The following ELAPOR1 variants were observed in gnomAD, a reference collection of about 807,000 sequenced individuals.
The protein encoded by ELAPOR1 is endosome/lysosome-associated apoptosis and autophagy regulator 1.
A neutral mutation model predicts 119.7 loss-of-function variants in ELAPOR1; 77 were observed. The ratio of observed to expected loss-of-function variants is 0.64; its 90% CI spans 0.54 to 0.78. ELAPOR1 has a LOEUF of 0.78. Ranked by LOEUF, ELAPOR1 falls within the 30% of genes least tolerant of loss-of-function variation. The pLI is 0.00. For synonymous variants in ELAPOR1, 481 were observed against 487.2 expected (o/e 0.99, Z 0.17); for missense variants, 1,115 against 1,270.4 (o/e 0.88, Z 1.86).
chr1:109,155,188 T>TA (rs1650800724), intron 1 of ELAPOR1, among the ~76,000 whole-genome samples: 2 of 151,872 alleles, frequency 1.3e-5, no homozygotes, highest in African/African-American at 4.9e-5. Flanking sequence ...TATATATATA[T>TA]TTTTTTGAGA....
intron 1 of ELAPOR1, among the ~76,000 whole-genome samples, chr1:109,120,288 T>C (rs1444330159): frequency 6.6e-6 from 1 of 151,948 alleles, no homozygotes; most frequent in African/African-American, 2.4e-5. Flanking sequence ...TTCCAGCTAC[T>C]TGGGAGGCTG....
At chr1:109,193,367 A>G (rs1159365693) in intron 14 of ELAPOR1, among the ~76,000 whole-genome samples, 1 of 152,122 alleles carries the variant, frequency 6.6e-6, no homozygotes, top group African/African-American at 2.4e-5. Context: ...CTAAGTGGAA[A>G]AAAGCTGGGT....
In ELAPOR1 at chr1:109,203,153, C is replaced by A; in HGVS notation, c.*141C>A. 1.6e-6 allele frequency: 1 copy of A among 617,968 alleles called. No homozygotes were observed. Among genetic ancestry groups the A allele is most frequent in the Non-Finnish European group, 2.9e-6 (1 of 348,952 alleles). 38.3% of individuals were successfully genotyped at this position (617,968 alleles called of 1,614,324 possible). A position where few individuals can be genotyped will look rare whatever the true frequency, so the allele number is the denominator to read the frequency against. On this transcript the variant is annotated 3_prime_UTR_variant, in exon 22 of 22. Coordinates refer to ENST00000369939, the MANE Select transcript of ELAPOR1 (RefSeq NM_020775.5). ...CTTATCAGATGTTTGAATTTCAGATCTTTTTTTATAGAGTACCCAAACCCT... is the reference window on the plus strand; with the variant it reads ...CTTATCAGATGTTTGAATTTCAGATATTTTTTTATAGAGTACCCAAACCCT...
chr1:109,149,566 G>A (rs1650398534), intron 1 of ELAPOR1, among the ~76,000 whole-genome samples: 3 of 152,124 alleles, frequency 2.0e-5, no homozygotes. Context: ...AGCTGTTCTA[G>A]GGCCACACCC....
At chr1:109,173,955 C>G (rs1212416066) in intron 7 of ELAPOR1, 118 bp downstream of exon 7, 10 of 1,091,664 alleles carry the variant, frequency 9.2e-6, no homozygotes, top group Non-Finnish European at 1.3e-5. Flanking sequence ...ATTCTTAAAC[C>G]CTTCCTTTCT....
chr1:109,144,918 T>G (rs1333812883), intron 1 of ELAPOR1, among the ~76,000 whole-genome samples: 2 of 152,158 alleles, frequency 1.3e-5, no homozygotes, highest in East Asian at 3.8e-4. Flanking sequence ...TCAAACAACT[T>G]CTATAAACAA....
chr1:109,164,772 GC>G (rs1390418701), intron 3 of ELAPOR1, 81 bp downstream of exon 3: 1 of 1,349,444 alleles, frequency 7.4e-7, no homozygotes, highest in East Asian at 2.4e-5. Flanking sequence ...CTCCTCCGCT[GC>G]CCCTCAGGCT....
intron 7 of ELAPOR1, among the ~76,000 whole-genome samples, chr1:109,177,518 T>C (rs1652420305): frequency 7.3e-6 from 1 of 136,548 alleles, no homozygotes; most frequent in East Asian, 2.2e-4. Flanking sequence ...GAAGAGGCGC[T>C]CCTCACTTCC....
At chr1:109,151,179 A>G (rs1019192184) in intron 1 of ELAPOR1, among the ~76,000 whole-genome samples, 21 of 152,204 alleles carry the variant, frequency 1.4e-4, no homozygotes, top group African/African-American at 4.3e-4. Context: ...AAGAAGAGCT[A>G]GAGAATCAGG....
chr1:109,173,531 T>G lies in ELAPOR1; in HGVS notation c.754T>G (p.Trp252Gly). The change falls in exon 6 of 22, where the codon TGG (tryptophan) becomes GGG (glycine). Residue 252 changes from tryptophan (W) to glycine (G), a missense_variant. Transcript: ENST00000369939. ...LYWRTTAFSV[W>G]TKVPKPVLVR... The stretch of plus-strand genomic sequence containing the variant: ...TTGGAGAACCACAGCCTTCTCAGTA[T>G]GGACCAAAGTACCCAAGCCTGTGCT... The G allele has an allele frequency of 1.2e-6, 2 of 1,614,228 alleles. No individual in the cohort carries two copies. Among genetic ancestry groups the G allele is most frequent in the Non-Finnish European group, 1.7e-6 (2 of 1,180,040 alleles).
At position 109,173,681 on chromosome 1, in the gene ELAPOR1, T is replaced by C; in HGVS notation, c.803-7T>C. 1 of 1,613,678 alleles carries C rather than the reference T, an allele frequency of 6.2e-7. No individual in the cohort carries two copies. The highest frequency in any genetic ancestry group is 8.5e-7 in the Non-Finnish European group (1 of 1,179,804). On this transcript the variant is annotated splice_polypyrimidine_tract_variant and splice_region_variant and intron_variant, in intron 6 of 21. Coordinates refer to ENST00000369939, the MANE Select transcript of ELAPOR1 (RefSeq NM_020775.5). Reference sequence around the variant, plus strand: ...CCTTGCTTTTCTGTGCTCTTCCTCCTCCCTAGGGGTGGCCTACACTTCAGA... The same window carrying C: ...CCTTGCTTTTCTGTGCTCTTCCTCCCCCCTAGGGGTGGCCTACACTTCAGA...
At chr1:109,123,588 C>T (rs1307894095) in intron 1 of ELAPOR1, among the ~76,000 whole-genome samples, 2 of 152,240 alleles carry the variant, frequency 1.3e-5, no homozygotes, top group East Asian at 3.9e-4. Context: ...TCCCTTTTGG[C>T]TTATTGAATA....
At chr1:109,152,494 G>A (rs565605064) in intron 1 of ELAPOR1, among the ~76,000 whole-genome samples, 1 of 152,224 alleles carries the variant, frequency 6.6e-6, no homozygotes, top group African/African-American at 2.4e-5. Flanking sequence ...TTTTCTCTCT[G>A]GGAGGTAGGG....
intron 1 of ELAPOR1, among the ~76,000 whole-genome samples, chr1:109,137,596 C>T (rs1053553440): frequency 1.3e-5 from 2 of 151,952 alleles, no homozygotes; most frequent in Admixed American, 1.3e-4. Context: ...GGTGCAATCT[C>T]GGCTCACTGC....
At chr1:109,114,585 G>C (rs1302699755) in intron 1 of ELAPOR1, among the ~76,000 whole-genome samples, 2 of 152,192 alleles carry the variant, frequency 1.3e-5, no homozygotes, top group Non-Finnish European at 2.9e-5. Context: ...CCAGCCCCAA[G>C]AAGGGGAGCT....
intron 1 of ELAPOR1, among the ~76,000 whole-genome samples, chr1:109,131,371 C>T (rs1373822561): frequency 6.6e-6 from 1 of 152,176 alleles, no homozygotes; most frequent in East Asian, 1.9e-4. Flanking sequence ...AAATTCAGTG[C>T]ACCTTCCAGG....
intron 1 of ELAPOR1, among the ~76,000 whole-genome samples, chr1:109,116,343 C>A (rs1570589217): frequency 6.6e-6 from 1 of 152,144 alleles, no homozygotes; most frequent in South Asian, 2.1e-4. Context: ...GAAAGGATTG[C>A]TTTGAGTATT....
chr1:109,114,228 G>A lies in ELAPOR1; in HGVS notation c.45G>A (p.Arg15=). Residue 15 remains arginine, a synonymous_variant, in exon 1 of 22, where the codon AGG becomes AGA. Coordinates refer to ENST00000369939, the MANE Select transcript of ELAPOR1 (RefSeq NM_020775.5). ...GHSHHLSARV[R]GRTERRIPRL... is the part of the protein sequence containing the mutation. The stretch of plus-strand genomic sequence containing the variant: ...GCCACCATCTCTCCGCCAGAGTCAG[G>A]GGAAGAACTGAGAGGCGCATACCCC... 1 of 1,605,238 alleles carries A rather than the reference G, an allele frequency of 6.2e-7. No homozygotes were observed. The highest frequency in any genetic ancestry group is 8.5e-7 in the Non-Finnish European group (1 of 1,175,806).
chr1:109,117,992 T>C (rs1160100678), intron 1 of ELAPOR1, among the ~76,000 whole-genome samples: 1 of 152,050 alleles, frequency 6.6e-6, no homozygotes, highest in Non-Finnish European at 1.5e-5. Flanking sequence ...CCAGGTGTGG[T>C]GGTGCATGCC....
Sources: gnomAD v4.1 joint callset for allele counts (sites outside exome capture counted in the v4.1 genomes callset) on GRCh38, gnomAD v4.1.1 for gene constraint, MANE v1.5 for transcripts, NCBI Gene and HGNC (gene_info 2026-07-23, HGNC 2026-07-21) for gene names.